ANO10: variants seen among roughly 807,000 people sequenced by gnomAD.
ANO10 encodes anoctamin 10.
In ANO10, 77 loss-of-function variants were observed where a neutral mutation model predicts 74.7. The observed-to-expected ratio is 1.03, with a 90% CI of 0.86 to 1.25. The LOEUF is 1.25. Among genes scored for constraint, ANO10 ranks in the 50% most tolerant of loss-of-function variants. ANO10 has a pLI of 0.00. For synonymous variants in ANO10, 279 were observed against 284.9 expected, an observed-to-expected ratio of 0.98 and a Z score of 0.21; for missense variants, 721 against 778.1, an observed-to-expected ratio of 0.93 and a Z score of 0.87.
intron 11 of ANO10, among the ~76,000 whole-genome samples, chr3:43,439,802 G>A (rs933072738): frequency 1.3e-5 from 2 of 152,044 alleles, no homozygotes; most frequent in African/African-American, 4.8e-5. Flanking sequence ...GATCACCTGA[G>A]CCCAGGGAAG....
chr3:43,563,513 G>A (rs2080155767), intron 8 of ANO10, among the ~76,000 whole-genome samples: 1 of 148,540 alleles, frequency 6.7e-6, no homozygotes. Context: ...TTTATCCAAA[G>A]GAAAAGAAAT....
chr3:43,572,342 C>G lies in ANO10; in HGVS notation c.1218+2467G>C, dbSNP rs192883820. On this transcript the variant is annotated intron_variant, in intron 7 of 12. Coordinates refer to ENST00000292246, the MANE Select transcript of ANO10 (RefSeq NM_018075.5). ...TCCCAGGATGGCCAGGCAGCACTGG[C>G]AAGAAGGACCCTATCACAGCAAGCC... 3.9e-4 allele frequency among the ~76,000 whole-genome samples: 59 copies of G among 152,194 alleles called. 3 individuals are homozygous for G. In the East Asian group the frequency reaches 9.9e-3, roughly 25 times the overall value.
intron 11 of ANO10, among the ~76,000 whole-genome samples, chr3:43,450,045 G>A (rs999806665): frequency 2.6e-5 from 4 of 152,096 alleles, no homozygotes; most frequent in African/African-American, 9.7e-5. Flanking sequence ...TGGAGCTAAT[G>A]TAAATGGTAT....
intron 11 of ANO10, among the ~76,000 whole-genome samples, chr3:43,522,040 A>C (rs973367992): frequency 2.0e-5 from 3 of 152,212 alleles, no homozygotes; most frequent in Non-Finnish European, 4.4e-5. Flanking sequence ...TAAGCCAGAC[A>C]CAAAGGGACA....
intron 12 of ANO10, among the ~76,000 whole-genome samples, chr3:43,410,026 T>C (rs928334751): frequency 6.6e-6 from 1 of 152,194 alleles, no homozygotes; most frequent in African/African-American, 2.4e-5. Flanking sequence ...AAGTTGGGAC[T>C]GTTTCTTCCC....
intron 1 of ANO10, among the ~76,000 whole-genome samples, chr3:43,678,676 G>C (rs12054323): frequency 0.05 from 7,572 of 152,168 alleles, 281 homozygotes; most frequent in South Asian, 0.12. Flanking sequence ...CTTGAGACAG[G>C]AATCTTCGAA....
In ANO10 at chr3:43,523,438, A is replaced by G. The variant is rs377165966; in HGVS notation, c.1797+26282T>C. Among the ~76,000 whole-genome samples the G allele has an allele frequency of 4.3e-4, 66 of 152,356 alleles. No homozygotes were observed. In the South Asian group the frequency reaches 6.8e-3, roughly 16 times the overall value. ...GTTTCAGAATAATCATTTTAGCAGC[A>G]GAATGGATTAGAGAGCACCAAGACT... On this transcript the variant is annotated intron_variant, in intron 11 of 12. Transcript: ENST00000292246.
intron 9 of ANO10, 134 bp downstream of exon 9, chr3:43,561,086 G>A (rs2080008243): frequency 9.8e-7 from 1 of 1,023,228 alleles, no homozygotes; most frequent in Non-Finnish European, 1.5e-6. Flanking sequence ...AGTGGTTCAT[G>A]ATGAGGAAAC....
rs750013678 is a variant in ANO10 at position 43,600,389 on chromosome 3, A to C, written c.332T>G (p.Phe111Cys). ...TYRTRQNFKGFDDNNDDFLTM... is the reference protein window; with the variant it reads ...TYRTRQNFKGCDDNNDDFLTM... The stretch of plus-strand genomic sequence containing the variant: ...ACAAAGAACTTAGGGCTTACCATCA[A>C]AACCTTTGAAGTTCTGTCTGGTTCT... The change falls in exon 3 of 13, where the codon TTT becomes TGT. Residue 111 changes from phenylalanine to cysteine, a missense_variant. Transcript: ENST00000292246. The C allele has an allele frequency of 3.1e-6, 5 of 1,614,004 alleles. No homozygotes were observed. Among genetic ancestry groups the C allele is most frequent in the Non-Finnish European group, 4.2e-6 (5 of 1,179,902 alleles).
intron 11 of ANO10, among the ~76,000 whole-genome samples, chr3:43,534,739 G>A (rs1456539680): frequency 6.6e-6 from 1 of 152,166 alleles, no homozygotes; most frequent in African/African-American, 2.4e-5. Flanking sequence ...GTCAGGATGG[G>A]AGCAACACAG....
At chr3:43,382,858 A>C (rs1254585082) in intron 12 of ANO10, among the ~76,000 whole-genome samples, 1 of 152,204 alleles carries the variant, frequency 6.6e-6, no homozygotes, top group Non-Finnish European at 1.5e-5. Context: ...ACCAATAACA[A>C]GCAGTGAGAT....
chr3:43,375,667 GA>G (rs1208913105), intron 12 of ANO10, among the ~76,000 whole-genome samples: 1 of 151,886 alleles, frequency 6.6e-6, no homozygotes, highest in Non-Finnish European at 1.5e-5. Context: ...CTAGCTAAAA[GA>G]GGCAGGTGAA....
chr3:43,678,741 G>C (rs1281851211), intron 1 of ANO10, among the ~76,000 whole-genome samples: 1 of 152,066 alleles, frequency 6.6e-6, no homozygotes, highest in Non-Finnish European at 1.5e-5. Flanking sequence ...GAGGAGTTTT[G>C]TCTCTGGCTC....
chr3:43,466,379 A>ACAC, intron 11 of ANO10, among the ~76,000 whole-genome samples: 1 of 84,328 alleles, frequency 1.2e-5, no homozygotes, highest in African/African-American at 3.5e-5. Flanking sequence ...CAAAAAAAAA[A>ACAC]AAAAAAAACA....
In ANO10 at chr3:43,427,818, T is replaced by C. The variant is rs562994211; in HGVS notation, c.1914+4793A>G. ...TAGTTCAGCAAGTGAACTGAAGTCATGGCCAGTTAATTTTTTGAGTTTCTG... is the reference window on the plus strand; with the variant it reads ...TAGTTCAGCAAGTGAACTGAAGTCACGGCCAGTTAATTTTTTGAGTTTCTG... On this transcript the variant is annotated intron_variant, in intron 12 of 12. Coordinates refer to ENST00000292246, the MANE Select transcript of ANO10 (RefSeq NM_018075.5). 7.6e-4 allele frequency among the ~76,000 whole-genome samples: 116 copies of C among 152,322 alleles called. 1 individual carries two copies. The highest frequency in any genetic ancestry group is 2.6e-3 in the African/African-American group (107 of 41,576).
At chr3:43,509,030 A>G (rs2077409767) in intron 11 of ANO10, among the ~76,000 whole-genome samples, 1 of 151,938 alleles carries the variant, frequency 6.6e-6, no homozygotes. Context: ...ATGGAATACT[A>G]TGCAGCCATA....
chr3:43,417,062 A>G (rs1240838113), intron 12 of ANO10, among the ~76,000 whole-genome samples: 3 of 152,238 alleles, frequency 2.0e-5, no homozygotes, highest in African/African-American at 7.2e-5. Context: ...AGGAGTTAAG[A>G]AGAAATTACT....
intron 11 of ANO10, among the ~76,000 whole-genome samples, chr3:43,514,466 C>CA (rs1052922224): frequency 3.3e-5 from 5 of 151,106 alleles, no homozygotes; most frequent in South Asian, 2.1e-4. Context: ...GACAGAGCTT[C>CA]AAAAAAAAGA....
chr3:43,465,841 G>A (rs1243481083), intron 11 of ANO10, among the ~76,000 whole-genome samples: 1 of 151,876 alleles, frequency 6.6e-6, no homozygotes, highest in Non-Finnish European at 1.5e-5. Flanking sequence ...AAATTAAAGA[G>A]GACCTAAATA....
Sources: gnomAD v4.1 joint callset for allele counts (sites outside exome capture counted in the v4.1 genomes callset) on GRCh38, gnomAD v4.1.1 for gene constraint, MANE v1.5 for transcripts, NCBI Gene and HGNC (gene_info 2026-07-23, HGNC 2026-07-21) for gene names.